Variants in ALDH1L1 observed in about 807,000 individuals in gnomAD.
ALDH1L1 encodes aldehyde dehydrogenase 1 family member L1, also known as cytosolic 10-formyltetrahydrofolate dehydrogenase.
A neutral mutation model predicts 101.1 loss-of-function variants in ALDH1L1; 68 were observed. The ratio of observed to expected loss-of-function variants is 0.67; its 90% CI spans 0.55 to 0.82. The LOEUF is 0.82. ALDH1L1 is among the 40% of genes least tolerant of loss of function. ALDH1L1 has a pLI of 0.00. For missense variants in ALDH1L1, 1,087 were observed against 1,172.7 expected, an observed-to-expected ratio of 0.93 and a Z score of 1.07; for synonymous variants, 486 against 470.8, an observed-to-expected ratio of 1.03 and a Z score of -0.42.
At chr3:126,158,347 T>C in intron 3 of ALDH1L1, 58 bp downstream of exon 3, 1 of 1,440,136 alleles carries the variant, frequency 6.9e-7, no homozygotes, top group Non-Finnish European at 9.4e-7. Flanking sequence ...AAGTGACAAG[T>C]CAGGCTGATG....
chr3:126,136,633 C>G, intron 11 of ALDH1L1, 131 bp downstream of exon 11: 1 of 1,406,544 alleles, frequency 7.1e-7, no homozygotes, highest in African/African-American at 1.4e-5. Context: ...GGCATTCTTT[C>G]CCGTCCCTCT....
chr3:126,160,515 C>T (rs1360924433), intron 2 of ALDH1L1: 2 of 248,272 alleles, frequency 8.1e-6, no homozygotes, highest in South Asian at 1.1e-4. Context: ...AGAATATGGA[C>T]CCCCAGTTCA....
Position 126,148,579 on chromosome 3 carries a change from C to T in ALDH1L1, c.985-1653G>A, listed in dbSNP as rs150334336. ...AGAGGCCTAATGATAGCCATCCTAGCGATGGCCTTAGGGGGCTGCACGGTG... is the reference window on the plus strand; with the variant it reads ...AGAGGCCTAATGATAGCCATCCTAGTGATGGCCTTAGGGGGCTGCACGGTG... On this transcript the variant is annotated intron_variant, in intron 8 of 22. Coordinates refer to ENST00000393434, the MANE Select transcript of ALDH1L1 (RefSeq NM_012190.4). Among the ~76,000 whole-genome samples, 105 of 152,162 alleles carry T rather than the reference C, an allele frequency of 6.9e-4. 2 individuals are homozygous for T. Among genetic ancestry groups the T allele is most frequent in the Non-Finnish European group, 1.3e-3 (89 of 68,038 alleles).
rs1301650164 is a variant in ALDH1L1, at chr3:126,125,641, T to C, written c.1775A>G (p.Asn592Ser). 1 of 1,597,870 alleles carries C rather than the reference T, an allele frequency of 6.3e-7. No individual in the cohort carries two copies. Among genetic ancestry groups the C allele is most frequent in the East Asian group, 2.3e-5 (1 of 43,642 alleles). ...CTGAGCAGGCTTGATCACCACTGTG[T>C]TCCCGGCAGCCAGGCAGGCAGCTGT... ...WKTAACLAAG[N>S]TVVIKPAQVT... Residue 592 changes from asparagine (N) to serine (S), a missense_variant, in exon 15 of 23, where the codon AAC becomes AGC. Physicochemically the swap from Asn to Ser is conservative, Grantham distance 46 (BLOSUM62 1). Around this residue, in one of 2 missense-constraint regions of ALDH1L1, gnomAD observed 442 missense variants for 535.7 expected, o/e 0.83. Transcript: ENST00000393434.
At chr3:126,195,318 G>A (rs1327698063) in intron 1 of ALDH1L1, among the ~76,000 whole-genome samples, 1 of 152,078 alleles carries the variant, frequency 6.6e-6, no homozygotes, top group African/African-American at 2.4e-5. Context: ...AGACATTACA[G>A]TTTTTACTTT....
chr3:126,153,453 A>T lies in ALDH1L1; in HGVS notation c.849T>A (p.Asp283Glu), dbSNP rs771892370. 2.5e-6 allele frequency: 4 copies of T among 1,613,808 alleles called. No individual in the cohort carries two copies. The African/African-American group carries it at 5.3e-5, about 22-fold the overall frequency. ...ACAGCCGTGCCCTTACCATTTTGTCATCATTCCCAAAGAGGATGAGTCCTG... is the reference window on the plus strand; with the variant it reads ...ACAGCCGTGCCCTTACCATTTTGTCTTCATTCCCAAAGAGGATGAGTCCTG... ...TKAGLILFGN[D>E]DKMLLVKNIQ... The change falls in exon 7 of 23, where the codon GAT becomes GAA. Residue 283 changes from aspartate to glutamate, a missense_variant. By Grantham distance (45) the Asp-to-Glu change is conservative. Around this residue, in one of 2 missense-constraint regions of ALDH1L1, gnomAD observed 645 missense variants for 637.0 expected, o/e 1.01. Transcript: ENST00000393434.
rs191581541 is a variant in ALDH1L1, at chr3:126,123,510, G to A, written c.1888+854C>T. On this transcript the variant is annotated intron_variant, in intron 16 of 22. Coordinates refer to ENST00000393434, the MANE Select transcript of ALDH1L1 (RefSeq NM_012190.4). ...TGACCTCAGGTGATCCACTCACCTCGGCCTCCCAAAGTGCTGGGATTACAG... is the reference window on the plus strand; with the variant it reads ...TGACCTCAGGTGATCCACTCACCTCAGCCTCCCAAAGTGCTGGGATTACAG... Among the ~76,000 whole-genome samples, 817 of 151,918 alleles carry A rather than the reference G, an allele frequency of 5.4e-3. 7 individuals are homozygous for A. Among genetic ancestry groups the A allele is most frequent in the African/African-American group, 0.018 (743 of 41,438 alleles).
intron 13 of ALDH1L1, among the ~76,000 whole-genome samples, 155 bp from the exon 14 acceptor site, chr3:126,130,448 G>A (rs1346076146): frequency 1.3e-5 from 2 of 152,260 alleles, no homozygotes; most frequent in African/African-American, 4.8e-5. Flanking sequence ...GGCAGCCAGA[G>A]GGGCAAGGTG....
At position 126,157,484 on chromosome 3, in the gene ALDH1L1, T is replaced by A. The variant is rs781124972; in HGVS notation, c.387A>T (p.Lys129Asn). Reference protein sequence around the residue: ...INWTLIHGDKKGGFSIFWADD... With the variant: ...INWTLIHGDKNGGFSIFWADD... ...CCGCCCAGAAGATGGAAAACCCCCC[T>A]TTCTTATCTCCGTGAATGAGGGTCC... The change falls in exon 4 of 23, where the codon AAA (lysine) becomes AAT (asparagine). Residue 129 changes from lysine to asparagine, a missense_variant. Lys to Asn is a moderately conservative substitution (Grantham distance 94). This residue lies in a region of ALDH1L1 where 645 missense variants were observed against 637.0 expected (regional missense o/e 1.01). Transcript: ENST00000393434. The A allele has an allele frequency of 6.2e-7, 1 of 1,613,948 alleles. No homozygotes were observed. The highest frequency in any genetic ancestry group is 1.1e-5 in the South Asian group (1 of 91,040).
chr3:126,134,479 C>A (rs1447978493), intron 12 of ALDH1L1, among the ~76,000 whole-genome samples: 2 of 152,204 alleles, frequency 1.3e-5, no homozygotes, highest in Non-Finnish European at 2.9e-5. Flanking sequence ...CTCTAGGGAC[C>A]ACTTGGCGTG....
At position 126,118,113 on chromosome 3, in the gene ALDH1L1, G is replaced by C. The variant is rs774446176; in HGVS notation, c.1889-15C>G. 2 of 1,591,762 alleles carry C rather than the reference G, an allele frequency of 1.3e-6. No individual in the cohort carries two copies. Among genetic ancestry groups the C allele is most frequent in the East Asian group, 2.2e-5 (1 of 44,732 alleles). ...GACCAGGGAGCCTGTGGGCGGGAGGGAGGGGGGAATCAGAGTGGTCCCCCT... is the reference window on the plus strand; with the variant it reads ...GACCAGGGAGCCTGTGGGCGGGAGGCAGGGGGGAATCAGAGTGGTCCCCCT... On this transcript the variant is annotated splice_polypyrimidine_tract_variant and intron_variant, in intron 16 of 22. Coordinates refer to ENST00000393434, the MANE Select transcript of ALDH1L1 (RefSeq NM_012190.4).
In ALDH1L1 at chr3:126,154,641, G is replaced by T. The variant is rs779198668; in HGVS notation, c.633C>A (p.Ile211=). 19 of 1,613,932 alleles carry T rather than the reference G, an allele frequency of 1.2e-5. No homozygotes were observed. In the East Asian group the frequency reaches 3.1e-4, roughly 27 times the overall value. ...EGIQKKETAK[I]NWDQPAEAIH... ...TGGCCTCTGCCGGCTGGTCCCAGTT[G>T]ATCTGTGGGGAGCAAGGTGTGTGTG... Residue 211 remains isoleucine, a splice_region_variant and synonymous_variant, in exon 6 of 23, where the codon ATC becomes ATA. Coordinates refer to ENST00000393434, the MANE Select transcript of ALDH1L1 (RefSeq NM_012190.4).
At chr3:126,190,899 A>G (rs2081549461) in intron 1 of ALDH1L1, among the ~76,000 whole-genome samples, 1 of 152,230 alleles carries the variant, frequency 6.6e-6, no homozygotes, top group African/African-American at 2.4e-5. Flanking sequence ...TAACTATGTG[A>G]CAATCTCAGG....
At chr3:126,190,701 T>G (rs1170534707) in intron 1 of ALDH1L1, among the ~76,000 whole-genome samples, 1 of 152,168 alleles carries the variant, frequency 6.6e-6, no homozygotes, top group Non-Finnish European at 1.5e-5. Context: ...TATAAGTAGG[T>G]GTTTTGATTT....
In ALDH1L1 at chr3:126,146,892, T is replaced by C. The variant is rs772844244; in HGVS notation, c.1019A>G (p.Glu340Gly). 125 of 1,613,690 alleles carry C rather than the reference T, an allele frequency of 7.7e-5. No individual in the cohort carries two copies. Among genetic ancestry groups the C allele is most frequent in the Non-Finnish European group, 1.0e-4 (122 of 1,179,838 alleles). Residue 340 changes from glutamate (E) to glycine (G), a missense_variant, in exon 9 of 23, where the codon GAG becomes GGG. This residue lies in a region of ALDH1L1 where 645 missense variants were observed against 637.0 expected (regional missense o/e 1.01). Coordinates refer to ENST00000393434, the MANE Select transcript of ALDH1L1 (RefSeq NM_012190.4). ...VWQRILPKVLEVEDSTDFFKS... is the reference protein window; with the variant it reads ...VWQRILPKVLGVEDSTDFFKS... ...GAAGAAATCAGTGGAGTCTTCAACC[T>C]CCAGGACTTTGGGGAGGATCCGCTG... is the stretch of plus-strand genomic sequence containing the variant.
upstream of ALDH1L1, among the ~76,000 whole-genome samples, chr3:126,181,711 G>A (rs900974230): frequency 2.0e-5 from 3 of 152,246 alleles, no homozygotes; most frequent in African/African-American, 7.2e-5. Context: ...TTTGAGGACA[G>A]GAAATTTGTG....
At chr3:126,134,241 G>C (rs2080374685) in intron 12 of ALDH1L1, among the ~76,000 whole-genome samples, 1 of 152,098 alleles carries the variant, frequency 6.6e-6, no homozygotes, top group Non-Finnish European at 1.5e-5. Flanking sequence ...AGTTTGCATA[G>C]GACAGGAAGG....
chr3:126,164,058 G>A (rs2081114498), intron 1 of ALDH1L1, among the ~76,000 whole-genome samples: 3 of 151,974 alleles, frequency 2.0e-5, no homozygotes, highest in South Asian at 4.2e-4. Flanking sequence ...TTGAGTCTGG[G>A]AGGTCTAGGC....
intron 1 of ALDH1L1, among the ~76,000 whole-genome samples, chr3:126,167,768 T>G (rs943940002): frequency 6.6e-6 from 1 of 152,140 alleles, no homozygotes; most frequent in Non-Finnish European, 1.5e-5. Context: ...CCAACTAAAC[T>G]TTGCTCCCAC....
Sources: gnomAD v4.1 joint callset for allele counts (sites outside exome capture counted in the v4.1 genomes callset) on GRCh38, gnomAD v4.1.1 for gene constraint, gnomAD v4.1.1 regional missense constraint, MANE v1.5 for transcripts, NCBI Gene and HGNC (gene_info 2026-07-23, HGNC 2026-07-21) for gene names.